GRIN2A: variants seen among roughly 807,000 people sequenced by gnomAD.
GRIN2A encodes the protein glutamate ionotropic receptor NMDA type subunit 2A.
In GRIN2A, 22 loss-of-function variants were observed where a neutral mutation model predicts 113.4. The observed-to-expected ratio is 0.19, with a 90% confidence interval of 0.14 to 0.28. The LOEUF (loss-of-function observed/expected upper bound fraction) is 0.28, where lower values mean the gene tolerates loss of function less well. GRIN2A is among the 10% of genes least tolerant of loss of function. The pLI is 1.00. For synonymous variants in GRIN2A, 827 were observed against 738.4 expected, an observed-to-expected ratio of 1.12 and a Z score of -1.94; for missense variants, 1,502 against 1,887.0, an observed-to-expected ratio of 0.80 and a Z score of 3.78.
chr16:10,130,354 G>T (rs1002499337), intron 2 of GRIN2A, among the ~76,000 whole-genome samples: 1 of 152,224 alleles, frequency 6.6e-6, no homozygotes, highest in South Asian at 2.1e-4. Flanking sequence ...CCACTCTTGT[G>T]AAGGCTACTT....
At position 10,112,880 on chromosome 16, in the gene GRIN2A, C is replaced by G. The variant is rs202202480; in HGVS notation, c.414+67118G>C. 1.2e-5 allele frequency: 6 copies of G among 499,230 alleles called. No homozygotes were observed. The East Asian group carries it at 2.9e-4, about 24-fold the overall frequency. The allele number at this position is 499,230 out of a possible 1,614,324, so 30.9% of individuals were successfully genotyped here. A position where few individuals can be genotyped will look rare whatever the true frequency, so the allele number is the denominator to read the frequency against. ...TGCACGCTTACCAGAAGCAGCTGTA[C>G]TGAGGATAGCAGTGGAGGATGAGGT... is the stretch of plus-strand genomic sequence containing the variant. On this transcript the variant is annotated intron_variant, in intron 2 of 12. Transcript: ENST00000330684.
chr16:10,007,541 A>C (rs940015290), intron 2 of GRIN2A, among the ~76,000 whole-genome samples: 4 of 152,162 alleles, frequency 2.6e-5, no homozygotes, highest in Admixed American at 6.6e-5. Flanking sequence ...ATCCCTTGCC[A>C]GATGGATAGT....
intron 2 of GRIN2A, among the ~76,000 whole-genome samples, chr16:10,139,498 G>C (rs913922938): frequency 3.3e-5 from 5 of 152,252 alleles, no homozygotes; most frequent in African/African-American, 1.2e-4. Flanking sequence ...TCTGTCTGTA[G>C]GGTTTGGCCT....
chr16:9,946,032 C>T (rs1048940802), intron 2 of GRIN2A, among the ~76,000 whole-genome samples: 9 of 152,136 alleles, frequency 5.9e-5, no homozygotes, highest in Non-Finnish European at 1.0e-4. Flanking sequence ...ATTCTCGTTG[C>T]AGCTGATTTA....
chr16:9,810,131 G>GA, intron 10 of GRIN2A, among the ~76,000 whole-genome samples: 1 of 152,184 alleles, frequency 6.6e-6, no homozygotes, highest in African/African-American at 2.4e-5. Flanking sequence ...GGAGGCAGGG[G>GA]ATAGGGAAGG....
At chr16:9,766,144 C>G (rs745750470) in intron 12 of GRIN2A, among the ~76,000 whole-genome samples, 7 of 152,188 alleles carry the variant, frequency 4.6e-5, no homozygotes, top group Admixed American at 6.5e-5. Flanking sequence ...AGGATTTGAC[C>G]TGGTCTTCCC....
intron 2 of GRIN2A, among the ~76,000 whole-genome samples, chr16:10,036,438 T>TTTTTTTTTTC (rs2047028369): frequency 2.0e-5 from 1 of 49,868 alleles, no homozygotes; most frequent in Non-Finnish European, 3.4e-5. Context: ...TAGTACTTAC[T>TTTTTTTTTTC]TTTTTTTTTT....
chr16:10,138,654 G>A (rs2049254707), intron 2 of GRIN2A, among the ~76,000 whole-genome samples: 2 of 152,120 alleles, frequency 1.3e-5, no homozygotes, highest in African/African-American at 4.8e-5. Context: ...CAGAGACACT[G>A]TGCACTCTGT....
chr16:10,154,005 G>A (rs1296946985), intron 2 of GRIN2A, among the ~76,000 whole-genome samples: 4 of 152,182 alleles, frequency 2.6e-5, no homozygotes, highest in Non-Finnish European at 5.9e-5. Flanking sequence ...ATGTCAGAGA[G>A]GGTTCCTGTG....
intron 10 of GRIN2A, among the ~76,000 whole-genome samples, chr16:9,802,521 G>A (rs1903425622): frequency 6.6e-6 from 1 of 152,172 alleles, no homozygotes; most frequent in Admixed American, 6.5e-5. Flanking sequence ...TCTGCAAGAT[G>A]TTTTATAAAA....
At chr16:9,934,552 G>A (rs376372169) in intron 3 of GRIN2A, among the ~76,000 whole-genome samples, 2 of 151,358 alleles carry the variant, frequency 1.3e-5, no homozygotes, top group African/African-American at 2.4e-5. Context: ...GTGGTAGTGC[G>A]CACCTGTAGT....
rs1391662912 is a variant in GRIN2A at position 9,798,455 on chromosome 16, G to A, written c.2178C>T (p.Asp726=). The change falls in exon 11 of 13, where the codon GAC becomes GAT. Residue 726 remains aspartate, a synonymous_variant. Transcript: ENST00000330684. ...AGACTGCGGCATCGTAGATGAAAGCGTCCAGCTTCCTGAAATGACAAGAAA... is the reference window on the plus strand; with the variant it reads ...AGACTGCGGCATCGTAGATGAAAGCATCCAGCTTCCTGAAATGACAAGAAA... ...ALVSLKTGKL[D]AFIYDAAVLN... The A allele has an allele frequency of 5.6e-6, 9 of 1,613,844 alleles. No homozygotes were observed. The highest frequency in any genetic ancestry group is 2.2e-5 in the East Asian group (1 of 44,854).
At chr16:9,905,495 T>C (rs2044009308) in intron 3 of GRIN2A, among the ~76,000 whole-genome samples, 1 of 152,204 alleles carries the variant, frequency 6.6e-6, no homozygotes, top group South Asian at 2.1e-4. Flanking sequence ...CAAATTCATT[T>C]AAATGTAAAT....
At chr16:9,781,316 A>G (rs926593759) in intron 11 of GRIN2A, among the ~76,000 whole-genome samples, 5 of 152,188 alleles carry the variant, frequency 3.3e-5, no homozygotes, top group Admixed American at 2.6e-4. Context: ...AGATAGTGGT[A>G]AAATTGGTAC....
chr16:9,853,625 C>T (rs1329883050), intron 4 of GRIN2A, among the ~76,000 whole-genome samples: 1 of 152,158 alleles, frequency 6.6e-6, no homozygotes, highest in East Asian at 1.9e-4. Flanking sequence ...AAGAGTCAAT[C>T]AAGTTCAATG....
chr16:10,177,830 C>T (rs908775598), intron 2 of GRIN2A, among the ~76,000 whole-genome samples: 1 of 152,272 alleles, frequency 6.6e-6, no homozygotes, highest in African/African-American at 2.4e-5. Flanking sequence ...GGGTCACTGC[C>T]TATCAAGGGG....
At chr16:10,025,363 T>G (rs553290016) in intron 2 of GRIN2A, among the ~76,000 whole-genome samples, 1 of 137,848 alleles carries the variant, frequency 7.3e-6, no homozygotes, top group African/African-American at 2.8e-5. Context: ...AGTGCAGTGG[T>G]GTAATTACAA....
chr16:9,904,778 C>T (rs73502624), intron 3 of GRIN2A, among the ~76,000 whole-genome samples: 8,988 of 152,268 alleles, frequency 0.059, 891 homozygotes, highest in African/African-American at 0.2. Flanking sequence ...TACCATCCCT[C>T]TGGGGATTAG....
intron 2 of GRIN2A, among the ~76,000 whole-genome samples, chr16:10,051,743 G>A (rs1456234450): frequency 6.6e-6 from 1 of 152,210 alleles, no homozygotes; most frequent in Non-Finnish European, 1.5e-5. Context: ...GAGCATGCCA[G>A]GGTGAGTGCA....
Sources: allele counts gnomAD v4.1 joint callset (sites outside exome capture counted in the v4.1 genomes callset), GRCh38; gene constraint gnomAD v4.1.1; transcripts MANE v1.5; gene names NCBI Gene and HGNC (gene_info 2026-07-23, HGNC 2026-07-21).